DTD1: variants seen among roughly 807,000 people sequenced by gnomAD.
DTD1 encodes the protein D-tyrosyl-tRNA deacylase 1 homolog.
DTD1 carries 13 observed loss-of-function variants against 25.6 expected under a neutral mutation model. The observed-to-expected ratio is 0.51, with a 90% CI of 0.33 to 0.81. The LOEUF (loss-of-function observed/expected upper bound fraction) is 0.81. Ranked by LOEUF, DTD1 falls within the 30% of genes least tolerant of loss-of-function variation. The probability of loss-of-function intolerance (pLI) is 0.02; values close to 1 mark genes in which losing one functional copy is unlikely to be tolerated. For missense variants in DTD1, 193 were observed against 266.4 expected (o/e 0.72, Z 1.92); for synonymous variants, 110 against 103.6 (o/e 1.06, Z -0.37).
chr20:18,713,073 T>TTCCC (rs2061165956), intron 4 of DTD1, among the ~76,000 whole-genome samples: 4 of 152,194 alleles, frequency 2.6e-5, no homozygotes, highest in Non-Finnish European at 4.4e-5. Flanking sequence ...GCTGGAGAGC[T>TTCCC]GTTCCCGGGG....
At chr20:18,761,032 G>A (rs184595755) in intron 5 of DTD1, among the ~76,000 whole-genome samples, 22 of 152,336 alleles carry the variant, frequency 1.4e-4, no homozygotes, top group African/African-American at 4.8e-5. Flanking sequence ...GACCCTCAGA[G>A]CCATGCGCGG....
intron 4 of DTD1, chr20:18,631,298 G>C: frequency 1.0e-6 from 1 of 984,594 alleles, no homozygotes. Context: ...CAAATTTCAA[G>C]GTGGTGACAT....
At chr20:18,621,211 GTCAC>G (rs2060732594) in intron 3 of DTD1, among the ~76,000 whole-genome samples, 1 of 152,116 alleles carries the variant, frequency 6.6e-6, no homozygotes, top group Non-Finnish European at 1.5e-5. Context: ...TTTTTGAAGA[GTCAC>G]TCATTTTGTC....
At chr20:18,739,231 A>G (rs1235558745) in intron 4 of DTD1, among the ~76,000 whole-genome samples, 1 of 152,248 alleles carries the variant, frequency 6.6e-6, no homozygotes, top group Admixed American at 6.5e-5. Flanking sequence ...TATAAGATCA[A>G]TGTTCAACTA....
chr20:18,737,887 T>C (rs1287231892), intron 4 of DTD1, among the ~76,000 whole-genome samples: 1 of 152,226 alleles, frequency 6.6e-6, no homozygotes, highest in Non-Finnish European at 1.5e-5. Context: ...CAAATGGAGA[T>C]GGCTCTGAGG....
intron 1 of DTD1, chr20:18,588,852 G>A: frequency 1.0e-6 from 1 of 985,396 alleles, no homozygotes; most frequent in South Asian, 4.7e-5. Flanking sequence ...GATGATTAGT[G>A]TAGATAAAGT....
chr20:18,733,994 G>A (rs560154021), intron 4 of DTD1, among the ~76,000 whole-genome samples: 124 of 152,240 alleles, frequency 8.1e-4, no homozygotes, highest in Non-Finnish European at 1.6e-3. Flanking sequence ...TTTTTAAAAA[G>A]CTTTCAGAAT....
intron 4 of DTD1, among the ~76,000 whole-genome samples, chr20:18,664,669 A>G (rs2060924722): frequency 1.3e-5 from 2 of 152,168 alleles, no homozygotes; most frequent in Non-Finnish European, 2.9e-5. Flanking sequence ...TTGTATGTTG[A>G]CTTCAAAGTT....
chr20:18,680,413 C>T (rs375148014), intron 4 of DTD1, among the ~76,000 whole-genome samples: 4 of 93,144 alleles, frequency 4.3e-5, no homozygotes, highest in African/African-American at 1.1e-4. Context: ...TTGTTGTTGT[C>T]TACGTTTTTT....
At chr20:18,685,554 T>G (rs1481542370) in intron 4 of DTD1, among the ~76,000 whole-genome samples, 1 of 152,176 alleles carries the variant, frequency 6.6e-6, no homozygotes, top group Non-Finnish European at 1.5e-5. Flanking sequence ...TCGCTCCAGC[T>G]TCAGTGGCTC....
intron 4 of DTD1, chr20:18,631,274 T>C: frequency 1.0e-6 from 1 of 984,966 alleles, no homozygotes; most frequent in Middle Eastern, 5.2e-4. Context: ...GGGCCCCTTG[T>C]TCAAAAAATA....
In DTD1 at chr20:18,680,347, GCTAA is replaced by G. The variant is rs201372029; in HGVS notation, c.477+52117_477+52120del. ...CTAAAGGTGTGTGCCACCATGACTG[GCTAA>G]CTTTTTTTTTTTTTTTTAATTTTGT... On this transcript the variant is annotated intron_variant, in intron 4 of 5. Coordinates refer to ENST00000377452, the MANE Select transcript of DTD1 (RefSeq NM_080820.6). Among the ~76,000 whole-genome samples, 592 of 150,408 alleles carry G rather than the reference GCTAA, an allele frequency of 3.9e-3. 15 individuals carry two copies. Among genetic ancestry groups the G allele is most frequent in the Admixed American group, 0.035 (527 of 15,082 alleles).
intron 4 of DTD1, among the ~76,000 whole-genome samples, chr20:18,696,443 G>A (rs772519672): frequency 6.6e-6 from 1 of 152,126 alleles, no homozygotes; most frequent in East Asian, 1.9e-4. Flanking sequence ...GGGGTCCTGC[G>A]GTCATGATGG....
chr20:18,658,189 A>ATGTGTGTGTGTG lies in DTD1; in HGVS notation c.477+29984_477+29995dup, dbSNP rs60197503. On this transcript the variant is annotated intron_variant, in intron 4 of 5. Coordinates refer to ENST00000377452, the MANE Select transcript of DTD1 (RefSeq NM_080820.6). ...TAGGCAGAGGGCATAAGAGTCTGAG[A>ATGTGTGTGTGTG]TGTGTGTGTGTGTGTGTGTGTGTGT... Among the ~76,000 whole-genome samples the ATGTGTGTGTGTG allele has an allele frequency of 7.9e-4, 116 of 146,230 alleles. 1 individual carries two copies. In the South Asian group the frequency reaches 8.7e-3, roughly 11 times the overall value.
intron 5 of DTD1, among the ~76,000 whole-genome samples, chr20:18,750,220 G>A (rs564507697): frequency 7.9e-5 from 12 of 152,238 alleles, no homozygotes; most frequent in African/African-American, 2.2e-4. Context: ...TTTGTTGCCC[G>A]TGGGTTTTGT....
chr20:18,588,644 TACGTGA>T, intron 1 of DTD1: 1 of 724,928 alleles, frequency 1.4e-6, no homozygotes, highest in Non-Finnish European at 1.7e-6. Flanking sequence ...TGCGTGCACG[TACGTGA>T]CTGGAGCCTA....
intron 4 of DTD1, among the ~76,000 whole-genome samples, chr20:18,667,145 G>A (rs2060934527): frequency 6.6e-6 from 1 of 152,210 alleles, no homozygotes; most frequent in Non-Finnish European, 1.5e-5. Flanking sequence ...AGGGATCTGT[G>A]TAGTTTGCTT....
intron 4 of DTD1, among the ~76,000 whole-genome samples, chr20:18,690,151 A>AAAT (rs2061039651): frequency 6.6e-6 from 1 of 150,694 alleles, no homozygotes; most frequent in South Asian, 2.1e-4. Context: ...AAAAAAAAAA[A>AAAT]AAATTAAAAA....
chr20:18,647,077 A>C (rs972960166), intron 4 of DTD1, among the ~76,000 whole-genome samples: 6 of 152,208 alleles, frequency 3.9e-5, no homozygotes, highest in African/African-American at 1.2e-4. Context: ...GAAAGTCTCA[A>C]AGGCCAAGTA....
Sources: gnomAD v4.1 joint callset for allele counts (sites outside exome capture counted in the v4.1 genomes callset) on GRCh38, gnomAD v4.1.1 for gene constraint, MANE v1.5 for transcripts, NCBI Gene and HGNC (gene_info 2026-07-23, HGNC 2026-07-21) for gene names.